The following OPCML variants were observed in gnomAD, a reference collection of about 807,000 sequenced individuals.
OPCML encodes the protein opioid binding protein/cell adhesion molecule like, also known as opioid-binding protein/cell adhesion molecule.
OPCML carries 13 observed loss-of-function variants against 37.8 expected under a neutral mutation model. That is an observed-to-expected ratio of 0.34 (90% CI 0.22 to 0.55). The LOEUF (loss-of-function observed/expected upper bound fraction) is 0.55, where lower values mean the gene tolerates loss of function less well. Among genes scored for constraint, OPCML ranks in the 20% least tolerant of loss-of-function variants. The pLI is 0.91. For missense variants in OPCML, 341 were observed against 435.6 expected (o/e 0.78, Z 1.93); for synonymous variants, 176 against 168.8 (o/e 1.04, Z -0.33).
intron 3 of OPCML, among the ~76,000 whole-genome samples, chr11:132,595,337 G>A (rs1322299637): frequency 6.6e-6 from 1 of 152,182 alleles, no homozygotes; most frequent in East Asian, 1.9e-4. Flanking sequence ...ATAGTGGAAT[G>A]GAATGGGCCC....
chr11:133,496,682 C>T (rs1947794353), intron 1 of OPCML, among the ~76,000 whole-genome samples: 1 of 152,120 alleles, frequency 6.6e-6, no homozygotes, highest in African/African-American at 2.4e-5. Flanking sequence ...GGGTTGAGTT[C>T]TTAATTTGAT....
At chr11:132,712,079 C>T (rs1319509010) in intron 2 of OPCML, among the ~76,000 whole-genome samples, 1 of 152,146 alleles carries the variant, frequency 6.6e-6, no homozygotes, top group Non-Finnish European at 1.5e-5. Flanking sequence ...AAGCCCCTGT[C>T]CCATAGGGTG....
At chr11:132,747,642 T>C (rs1945678975) in intron 2 of OPCML, among the ~76,000 whole-genome samples, 1 of 152,218 alleles carries the variant, frequency 6.6e-6, no homozygotes, top group Non-Finnish European at 1.5e-5. Flanking sequence ...TGCGATTGAC[T>C]GCATCTTTTA....
intron 4 of OPCML, among the ~76,000 whole-genome samples, chr11:132,452,174 C>G (rs2096069970): frequency 6.6e-6 from 1 of 152,180 alleles, no homozygotes; most frequent in African/African-American, 2.4e-5. Flanking sequence ...CTTCTTGCCT[C>G]AGAGTTGTTA....
At chr11:132,925,910 C>A (rs1320306179) in intron 2 of OPCML, among the ~76,000 whole-genome samples, 1 of 152,172 alleles carries the variant, frequency 6.6e-6, no homozygotes, top group Non-Finnish European at 1.5e-5. Flanking sequence ...ACCACTCATT[C>A]TCTTGCTTAT....
At chr11:133,281,535 T>A (rs977889030) in intron 1 of OPCML, among the ~76,000 whole-genome samples, 6 of 152,238 alleles carry the variant, frequency 3.9e-5, no homozygotes, top group Non-Finnish European at 8.8e-5. Flanking sequence ...CCCAGCCTCA[T>A]GTATTCCTTT....
intron 2 of OPCML, among the ~76,000 whole-genome samples, chr11:132,816,975 A>ACTCTC (rs940648397): frequency 6.6e-6 from 1 of 151,714 alleles, no homozygotes; most frequent in Non-Finnish European, 1.5e-5. Flanking sequence ...TTTCTGTGCT[A>ACTCTC]CTCTCCTCTC....
chr11:132,634,991 G>A (rs1303927048), intron 3 of OPCML, among the ~76,000 whole-genome samples: 2 of 151,988 alleles, frequency 1.3e-5, no homozygotes, highest in African/African-American at 2.4e-5. Context: ...TGCTCCAAGA[G>A]GAAGATTTTC....
rs566323018 is a variant in OPCML, at chr11:133,230,366, C to A, written c.62-287356G>T. The stretch of plus-strand genomic sequence containing the variant: ...AGATTGTGGCAAAGGCATTCACCCT[C>A]CCACTCCTATGGTCAAGGCGAGGTG... On this transcript the variant is annotated intron_variant, in intron 1 of 7. Coordinates refer to ENST00000524381, the MANE Select transcript of OPCML (RefSeq NM_001012393.5). 5.9e-5 allele frequency among the ~76,000 whole-genome samples: 9 copies of A among 151,880 alleles called. 1 individual carries two copies. In the South Asian group the frequency reaches 1.9e-3, roughly 32 times the overall value.
At chr11:133,026,552 A>C in intron 1 of OPCML, 4 of 985,302 alleles carry the variant, frequency 4.1e-6, no homozygotes, top group Non-Finnish European at 4.8e-6. Context: ...CTCCTTTCCA[A>C]ACACCTAAAT....
At chr11:133,399,882 A>G (rs1178549363) in intron 1 of OPCML, among the ~76,000 whole-genome samples, 3 of 149,530 alleles carry the variant, frequency 2.0e-5, no homozygotes, top group Non-Finnish European at 3.0e-5. Context: ...TATATAAAAT[A>G]TATATGAATG....
At chr11:133,006,600 G>A (rs1947117994) in intron 1 of OPCML, 2 of 985,296 alleles carry the variant, frequency 2.0e-6, no homozygotes, top group Non-Finnish European at 2.4e-6. Flanking sequence ...GTCGCTGGCC[G>A]AACCATGCCC....
chr11:133,462,667 A>T (rs1042103843), intron 1 of OPCML, among the ~76,000 whole-genome samples: 2 of 152,178 alleles, frequency 1.3e-5, no homozygotes, highest in Non-Finnish European at 2.9e-5. Flanking sequence ...TATTATTAAA[A>T]TACCAGAGAA....
In OPCML at chr11:133,190,970, G is replaced by A. The variant is rs116933919; in HGVS notation, c.62-247960C>T. On this transcript the variant is annotated intron_variant, in intron 1 of 7. Transcript: ENST00000524381. ...TAAATATTTATGTGAAAGTTTTTGT[G>A]TAGACATACATTTTTATTTCTTCTG... Among the ~76,000 whole-genome samples the A allele has an allele frequency of 7.8e-3, 1,189 of 151,568 alleles. 7 individuals are homozygous for A. Among genetic ancestry groups the A allele is most frequent in the Non-Finnish European group, 0.013 (877 of 67,862 alleles).
At position 132,567,635 on chromosome 11, in the gene OPCML, A is replaced by G. The variant is rs2096426924; in HGVS notation, c.380-38449T>C. Among the ~76,000 whole-genome samples, 2 of 152,238 alleles carry G rather than the reference A, an allele frequency of 1.3e-5. 1 individual carries two copies. The highest frequency in any genetic ancestry group is 4.1e-4 in the South Asian group (2 of 4,828). ...TAAAAGGCCTTGAAAATTATGTTTAATAAAATGGATTTTTATCTTAAGGAC... is the reference window on the plus strand; with the variant it reads ...TAAAAGGCCTTGAAAATTATGTTTAGTAAAATGGATTTTTATCTTAAGGAC... On this transcript the variant is annotated intron_variant, in intron 3 of 7. Transcript: ENST00000524381.
At chr11:133,278,257 C>G (rs952847384) in intron 1 of OPCML, among the ~76,000 whole-genome samples, 1 of 152,098 alleles carries the variant, frequency 6.6e-6, no homozygotes, top group African/African-American at 2.4e-5. Flanking sequence ...CTATGAAAAC[C>G]AGCCCAAAGA....
intron 1 of OPCML, among the ~76,000 whole-genome samples, chr11:133,186,812 G>A (rs1250312052): frequency 6.6e-6 from 1 of 152,168 alleles, no homozygotes. Context: ...CCTGCTGACT[G>A]GTGCTCAGTG....
chr11:132,563,987 A>T (rs989343708), intron 3 of OPCML, among the ~76,000 whole-genome samples: 4 of 152,200 alleles, frequency 2.6e-5, no homozygotes, highest in African/African-American at 9.6e-5. Flanking sequence ...CATGTGAAGA[A>T]GGGGACTCTC....
rs760838065 is a variant in OPCML, at chr11:133,287,275, C to CTT, written c.61+244987_61+244988dup. 1.5e-3 allele frequency among the ~76,000 whole-genome samples: 183 copies of CTT among 120,968 alleles called. 1 individual carries two copies. Among genetic ancestry groups the CTT allele is most frequent in the African/African-American group, 5.1e-3 (166 of 32,732 alleles). The allele number at this position is 120,968 out of a possible 152,430, so 79.4% of individuals were successfully genotyped here. A position where few individuals can be genotyped will look rare whatever the true frequency, so the allele number is the denominator to read the frequency against. ...TTTAATTCTTTTTCTTTCTTTCTTT[C>CTT]TTTTTTTTTTTTTTTTTTTAGAGAT... On this transcript the variant is annotated intron_variant, in intron 1 of 7. Coordinates refer to ENST00000524381, the MANE Select transcript of OPCML (RefSeq NM_001012393.5).
Sources: allele counts gnomAD v4.1 joint callset (sites outside exome capture counted in the v4.1 genomes callset), GRCh38; gene constraint gnomAD v4.1.1; transcripts MANE v1.5; gene names NCBI Gene and HGNC (gene_info 2026-07-23, HGNC 2026-07-21).